WARS2: variants seen among roughly 807,000 people sequenced by gnomAD.
WARS2 encodes tryptophan--tRNA ligase, mitochondrial.
WARS2 carries 28 observed loss-of-function variants against 36.5 expected under a neutral mutation model. The ratio of observed to expected loss-of-function variants is 0.77; its 90% CI spans 0.57 to 1.05. WARS2 has a LOEUF of 1.05. WARS2 is among the 50% of genes least tolerant of loss of function. The probability of loss-of-function intolerance (pLI) is 0.00; values close to 1 mark genes in which losing one functional copy is unlikely to be tolerated. For missense variants in WARS2, 435 were observed against 456.8 expected, an observed-to-expected ratio of 0.95 and a Z score of 0.44; for synonymous variants, 174 against 178.4, an observed-to-expected ratio of 0.98 and a Z score of 0.20.
chr1:119,074,735 A>G (rs1651595109), intron 2 of WARS2, among the ~76,000 whole-genome samples: 1 of 152,184 alleles, frequency 6.6e-6, no homozygotes, highest in Admixed American at 6.5e-5. Flanking sequence ...CAGATTGAAA[A>G]TATTAGGAAA....
chr1:119,033,721 A>G (rs1438539788), intron 5 of WARS2, among the ~76,000 whole-genome samples: 9 of 152,334 alleles, frequency 5.9e-5, no homozygotes, highest in Non-Finnish European at 8.8e-5. Context: ...TGTTAAATGC[A>G]TTTTTGATTA....
intron 4 of WARS2, among the ~76,000 whole-genome samples, chr1:119,041,872 A>C (rs1176688555): frequency 2.6e-5 from 4 of 152,200 alleles, no homozygotes; most frequent in Admixed American, 2.6e-4. Flanking sequence ...TGCTAATTAC[A>C]TGACTTTGGG....
At chr1:119,119,892 C>A (rs1202708166) in intron 1 of WARS2, among the ~76,000 whole-genome samples, 1 of 152,020 alleles carries the variant, frequency 6.6e-6, no homozygotes, top group East Asian at 1.9e-4. Flanking sequence ...CCAATCAAAA[C>A]CTCTGGAATA....
chr1:119,048,415 T>C (rs910090907), intron 2 of WARS2, among the ~76,000 whole-genome samples: 3 of 152,252 alleles, frequency 2.0e-5, no homozygotes, highest in African/African-American at 7.2e-5. Flanking sequence ...TGGTGGCTTT[T>C]ATTATTACAA....
rs116121076 is a variant in WARS2 at position 119,085,916 on chromosome 1, C to T, written c.91-9309G>A. The T allele has an allele frequency of 4.9e-4, 793 of 1,610,554 alleles. 3 individuals carry two copies. In the African/African-American group the frequency reaches 9.7e-3, roughly 20 times the overall value. ...CCCCAAGCTGGACCTCTCGCTCATT[C>T]AGCTCATTGATCAGCTTCACCTTAG... On this transcript the variant is annotated intron_variant, in intron 1 of 5. Coordinates refer to ENST00000235521, the MANE Select transcript of WARS2 (RefSeq NM_015836.4).
intron 1 of WARS2, among the ~76,000 whole-genome samples, chr1:119,082,158 C>T (rs1652244546): frequency 6.6e-6 from 1 of 152,020 alleles, no homozygotes; most frequent in South Asian, 2.1e-4. Flanking sequence ...AGTGACTAAC[C>T]AATTAGACTG....
At chr1:119,126,537 C>T (rs1304158184) in intron 1 of WARS2, 2 of 525,246 alleles carry the variant, frequency 3.8e-6, no homozygotes, top group Non-Finnish European at 3.5e-6. Flanking sequence ...AAAGTCTGAA[C>T]TTCAGACAGA....
At chr1:119,055,668 A>G (rs1252930416) in intron 2 of WARS2, among the ~76,000 whole-genome samples, 2 of 151,608 alleles carry the variant, frequency 1.3e-5, no homozygotes, top group African/African-American at 4.8e-5. Context: ...CAAACAAAAA[A>G]CAGAGAAGAA....
At chr1:119,102,454 A>G (rs889781106) in intron 1 of WARS2, among the ~76,000 whole-genome samples, 2 of 152,220 alleles carry the variant, frequency 1.3e-5, no homozygotes, top group African/African-American at 2.4e-5. Flanking sequence ...ACTTCACAGA[A>G]AGGGGTCCCT....
At chr1:119,129,773 T>C (rs189857734) in intron 1 of WARS2, among the ~76,000 whole-genome samples, 129 of 152,184 alleles carry the variant, frequency 8.5e-4, no homozygotes, top group African/African-American at 2.8e-3. Flanking sequence ...CTAACAGATA[T>C]GATATAGCAC....
intron 1 of WARS2, chr1:119,085,736 A>T (rs1414084487): frequency 6.4e-7 from 1 of 1,571,966 alleles, no homozygotes; most frequent in Non-Finnish European, 8.7e-7. Context: ...TGGATTTCCC[A>T]GTCTTCTTGT....
At chr1:119,102,784 TAAAAACA>T (rs111316282) in intron 1 of WARS2, among the ~76,000 whole-genome samples, 14 of 152,248 alleles carry the variant, frequency 9.2e-5, no homozygotes, top group African/African-American at 3.4e-4. Flanking sequence ...TCTTCTAAAA[TAAAAACA>T]AAAAATGATT....
chr1:119,050,734 A>G (rs1415319623), intron 2 of WARS2, among the ~76,000 whole-genome samples: 1 of 152,130 alleles, frequency 6.6e-6, no homozygotes. Context: ...ACTACGAAAA[A>G]AATTTTAAAC....
Position 119,042,318 on chromosome 1 carries a change from G to A in WARS2, c.461C>T (p.Thr154Met), listed in dbSNP as rs767554000. The A allele has an allele frequency of 6.2e-6, 10 of 1,613,678 alleles. No individual in the cohort carries two copies. Among genetic ancestry groups the A allele is most frequent in the East Asian group, 2.2e-5 (1 of 44,858 alleles). Residue 154 changes from threonine to methionine, a missense_variant, in exon 4 of 6, where the codon ACG becomes ATG. Physicochemically the swap from Thr to Met is moderately conservative, Grantham distance 81. Transcript: ENST00000235521. ...AKTTKQKHDG[T>M]VGLLTYPVLQ... ...TACTGGGTATGTGAGCAGGCCCACCGTGCCATCGTGCTTCTGCTTGGTAGT... is the reference window on the plus strand; with the variant it reads ...TACTGGGTATGTGAGCAGGCCCACCATGCCATCGTGCTTCTGCTTGGTAGT...
At chr1:119,135,858 C>CT (rs1656470484) in intron 1 of WARS2, among the ~76,000 whole-genome samples, 1 of 152,058 alleles carries the variant, frequency 6.6e-6, no homozygotes, top group Non-Finnish European at 1.5e-5. Flanking sequence ...TCACTGAAGC[C>CT]TTCCTGGGCT....
At chr1:119,124,701 AC>A (rs2101547366) in intron 1 of WARS2, among the ~76,000 whole-genome samples, 1 of 152,208 alleles carries the variant, frequency 6.6e-6, no homozygotes, top group South Asian at 2.1e-4. Flanking sequence ...TAACATGATA[AC>A]CAGAGTGAGA....
intron 5 of WARS2, among the ~76,000 whole-genome samples, chr1:119,033,590 A>G (rs539243903): frequency 4.6e-5 from 7 of 152,338 alleles, no homozygotes; most frequent in African/African-American, 1.7e-4. Flanking sequence ...TGAGATATTC[A>G]ATACTTTATT....
chr1:119,070,094 T>G (rs761024943), intron 2 of WARS2, among the ~76,000 whole-genome samples: 6 of 152,218 alleles, frequency 3.9e-5, no homozygotes, highest in Non-Finnish European at 7.3e-5. Context: ...ATTTACTAAG[T>G]ACCAGGTACT....
rs978265578 is a variant in WARS2 at position 119,099,741 on chromosome 1, G to A, written c.91-23134C>T. Among the ~76,000 whole-genome samples the A allele has an allele frequency of 3.3e-5, 5 of 152,258 alleles. No individual in the cohort carries two copies. In the South Asian group the frequency reaches 1.0e-3, roughly 32 times the overall value. The stretch of plus-strand genomic sequence containing the variant: ...TCAATAAATAATGCTGGGAAAATTG[G>A]AGAGCCACATATTGAAGAATGAAAC... On this transcript the variant is annotated intron_variant, in intron 1 of 5. Coordinates refer to ENST00000235521, the MANE Select transcript of WARS2 (RefSeq NM_015836.4).
Sources: allele counts gnomAD v4.1 joint callset (sites outside exome capture counted in the v4.1 genomes callset), GRCh38; gene constraint gnomAD v4.1.1; transcripts MANE v1.5; gene names NCBI Gene and HGNC (gene_info 2026-07-23, HGNC 2026-07-21).